RIPK4: variants seen among roughly 807,000 people sequenced by gnomAD.
RIPK4 encodes the protein receptor-interacting serine/threonine-protein kinase 4.
Under a neutral mutation model 42.9 loss-of-function variants are expected in RIPK4, and 17 were observed. The ratio of observed to expected loss-of-function variants is 0.40; its 90% CI spans 0.27 to 0.59. The LOEUF (loss-of-function observed/expected upper bound fraction) is 0.59. RIPK4 is among the 20% of genes least tolerant of loss of function. RIPK4 has a pLI of 0.47. For missense variants in RIPK4, 897 were observed against 1,104.4 expected (o/e 0.81, Z 2.66); for synonymous variants, 498 against 499.1 (o/e 1.00, Z 0.03).
rs931889182 is a variant in RIPK4 at position 41,742,475 on chromosome 21, G to A, written c.1196-478C>T. Among the ~76,000 whole-genome samples the A allele has an allele frequency of 4.6e-5, 7 of 152,320 alleles. No homozygotes were observed. Among genetic ancestry groups the A allele is most frequent in the African/African-American group, 1.4e-4 (6 of 41,578 alleles). The stretch of plus-strand genomic sequence containing the variant: ...GCTGCTCCAGCTCTTGCCCCACCTC[G>A]AAGTGGCACCTCCTGACCTGGGGAG... On this transcript the variant is annotated intron_variant, in intron 7 of 7. Transcript: ENST00000332512. The surrounding 1 kb of genome is among the most constrained non-coding windows in gnomAD (Gnocchi z 5.1).
Position 41,740,388 on chromosome 21 carries a change from A to G in RIPK4, c.*450T>C, listed in dbSNP as rs1483881891. 1 of 165,324 alleles carries G rather than the reference A, an allele frequency of 6.0e-6. No homozygotes were observed. The allele number at this position is 165,324 out of a possible 1,614,324, so 10.2% of individuals were successfully genotyped here. A position where few individuals can be genotyped will look rare whatever the true frequency, so the allele number is the denominator to read the frequency against. ...GATATTTTATAAAACAATTCCATGG[A>G]AACTTTAAGACAGGCCTCTCTGCCC... On this transcript the variant is annotated 3_prime_UTR_variant, in exon 8 of 8. Coordinates refer to ENST00000332512, the MANE Select transcript of RIPK4 (RefSeq NM_020639.3).
intron 3 of RIPK4, among the ~76,000 whole-genome samples, chr21:41,749,844 C>A (rs2061183119): frequency 7.2e-6 from 1 of 138,410 alleles, no homozygotes; most frequent in African/African-American, 2.7e-5. Context: ...GGGATACGTT[C>A]ATGTACATTA....
rs1484375621 is a variant in RIPK4 at position 41,751,642 on chromosome 21, T to C, written c.475-397A>G. On this transcript the variant is annotated intron_variant, in intron 2 of 7. Coordinates refer to ENST00000332512, the MANE Select transcript of RIPK4 (RefSeq NM_020639.3). The surrounding 1 kb of genome is among the most constrained non-coding windows in gnomAD (Gnocchi z 4.5). The stretch of plus-strand genomic sequence containing the variant: ...GAGGGTTCAGGTAAAGAGAGACACA[T>C]GTGAAGACCAGGTCTGCTCCTAGAG... Among the ~76,000 whole-genome samples the C allele has an allele frequency of 6.6e-6, 1 of 152,188 alleles. No individual in the cohort carries two copies. Among genetic ancestry groups the C allele is most frequent in the Non-Finnish European group, 1.5e-5 (1 of 68,038 alleles).
Position 41,743,897 on chromosome 21 carries a change from C to T in RIPK4, c.1180G>A (p.Glu394Lys), listed in dbSNP as rs772576388. The change falls in exon 7 of 8, where the codon GAA becomes AAA. Residue 394 changes from glutamate (E) to lysine (K), a missense_variant. Glu to Lys is a moderately conservative substitution (Grantham distance 56). Transcript: ENST00000332512. ...RGSLSLSFER[E>K]PSTSDLGTTD... is the part of the protein sequence containing the mutation. The stretch of plus-strand genomic sequence containing the variant: ...CCCCACTCACCGCTGGTTGAAGGTT[C>T]CCGCTCAAAGGACAGCGACAGTGAT... 3 of 1,603,960 alleles carry T rather than the reference C, an allele frequency of 1.9e-6. No homozygotes were observed. In the African/African-American group the frequency reaches 4.0e-5, roughly 22 times the overall value.
At chr21:41,757,893 G>A (rs1426519609) in intron 1 of RIPK4, among the ~76,000 whole-genome samples, 1 of 149,396 alleles carries the variant, frequency 6.7e-6, no homozygotes, top group African/African-American at 2.5e-5. Context: ...CAGCTACTCA[G>A]GAGGCTGAAA....
intron 1 of RIPK4, among the ~76,000 whole-genome samples, chr21:41,766,117 C>G (rs928130210): frequency 6.6e-6 from 1 of 152,362 alleles, no homozygotes; most frequent in South Asian, 2.1e-4. Flanking sequence ...AGGCCCTTCC[C>G]TAGCGGGTCG....
At chr21:41,746,140 C>T (rs1416786943) in intron 5 of RIPK4, 1 of 678,896 alleles carries the variant, frequency 1.5e-6, no homozygotes, top group Non-Finnish European at 2.7e-6. Context: ...CTGCCAGCAC[C>T]TGGCGGATGA....
chr21:41,752,822 G>A (rs190039066), intron 2 of RIPK4, among the ~76,000 whole-genome samples: 4 of 152,172 alleles, frequency 2.6e-5, no homozygotes, highest in Admixed American at 6.5e-5. Flanking sequence ...GGGCCCTGTC[G>A]GTGCGTAGGG....
At chr21:41,745,909 G>A (rs371810697) in intron 5 of RIPK4, 47 bp from the exon 6 acceptor site, 149 of 1,407,302 alleles carry the variant, frequency 1.1e-4, no homozygotes, top group Middle Eastern at 7.0e-4. Context: ...TGACTTCTGC[G>A]TACACACGCG....
chr21:41,749,846 T>C (rs893632249), intron 3 of RIPK4, among the ~76,000 whole-genome samples: 24 of 143,606 alleles, frequency 1.7e-4, no homozygotes, highest in Non-Finnish European at 6.0e-5. Context: ...GATACGTTCA[T>C]GTACATTACT....
At chr21:41,752,297 G>A (rs1345281635) in intron 2 of RIPK4, among the ~76,000 whole-genome samples, 1 of 152,226 alleles carries the variant, frequency 6.6e-6, no homozygotes. Context: ...AAATGAGGCT[G>A]AGTCAGGCCT....
intron 1 of RIPK4, 38 bp downstream of exon 1, chr21:41,766,822 G>A: frequency 6.3e-7 from 1 of 1,581,248 alleles, no homozygotes; most frequent in Non-Finnish European, 8.6e-7. Context: ...CCCCAGCCCG[G>A]GCCCCAGCCG....
At position 41,751,390 on chromosome 21, in the gene RIPK4, G is replaced by T. The variant is rs1012923844; in HGVS notation, c.475-145C>A. The stretch of plus-strand genomic sequence containing the variant: ...AAGAGCCGTGTCTGTGCCTCTCCAG[G>T]TAGCCCTGCCCCAGGCAGGGAGGGA... On this transcript the variant is annotated intron_variant, in intron 2 of 7. Transcript: ENST00000332512. The surrounding 1 kb of genome is among the most constrained non-coding windows in gnomAD (Gnocchi z 4.5). 9.0e-7 allele frequency: 1 copy of T among 1,111,448 alleles called. No homozygotes were observed. The highest frequency in any genetic ancestry group is 1.6e-5 in the African/African-American group (1 of 63,686). 68.8% of individuals were successfully genotyped at this position (1,111,448 alleles called of 1,614,324 possible).
chr21:41,745,676 G>A (rs973579609), intron 6 of RIPK4, 83 bp downstream of exon 6: 13 of 1,004,558 alleles, frequency 1.3e-5, no homozygotes, highest in Middle Eastern at 4.9e-4. Context: ...CGGGCGGCGG[G>A]GGACTCTGCA....
chr21:41,753,156 G>A (rs1319679118), intron 2 of RIPK4, among the ~76,000 whole-genome samples: 2 of 152,190 alleles, frequency 1.3e-5, no homozygotes, highest in South Asian at 4.1e-4. Flanking sequence ...TAGTAGCTCC[G>A]TGGCCCTGGA....
At chr21:41,760,404 T>C (rs540705870) in intron 1 of RIPK4, among the ~76,000 whole-genome samples, 1 of 152,280 alleles carries the variant, frequency 6.6e-6, no homozygotes, top group South Asian at 2.1e-4. Flanking sequence ...TTGAAAAATC[T>C]AAGCCTCTTG....
At position 41,747,185 on chromosome 21, in the gene RIPK4, A is replaced by G. The variant is rs532420749; in HGVS notation, c.674-414T>C. Among the ~76,000 whole-genome samples, 82 of 152,318 alleles carry G rather than the reference A, an allele frequency of 5.4e-4. 3 individuals carry two copies. The South Asian group carries it at 0.016, about 29-fold the overall frequency. ...GGAGGAGCCACAGCGTCCTACATCC[A>G]CAGAGACCCAACTCTCTCTACAATG... On this transcript the variant is annotated intron_variant, in intron 4 of 7. Transcript: ENST00000332512.
intron 3 of RIPK4, among the ~76,000 whole-genome samples, chr21:41,749,983 G>C (rs533520773): frequency 6.6e-6 from 1 of 151,120 alleles, no homozygotes; most frequent in Non-Finnish European, 1.5e-5. Context: ...TATAGACAAC[G>C]AATTCACCAT....
Position 41,766,894 on chromosome 21 carries a change from T to A in RIPK4, c.148A>T (p.Ile50Phe). The change falls in exon 1 of 8, where the codon ATC becomes TTC. Residue 50 changes from isoleucine (I) to phenylalanine (F), a missense_variant. Physicochemically the swap from Ile to Phe is conservative, Grantham distance 21 (BLOSUM62 0). Transcript: ENST00000332512. ...RHVHWKTWLA[I>F]KCSPSLHVDD... ...ACGTGCAGGCTGGGCGAGCACTTGA[T>A]GGCCAGCCAGGTCTTCCAGTGGACA... The A allele has an allele frequency of 6.2e-7, 1 of 1,610,410 alleles. No individual in the cohort carries two copies. Among genetic ancestry groups the A allele is most frequent in the Admixed American group, 1.7e-5 (1 of 59,948 alleles).
Sources: gnomAD v4.1 joint callset for allele counts (sites outside exome capture counted in the v4.1 genomes callset) on GRCh38, gnomAD v4.1.1 for gene constraint, Gnocchi (gnomAD v3.1) non-coding constraint, MANE v1.5 for transcripts, NCBI Gene and HGNC (gene_info 2026-07-23, HGNC 2026-07-21) for gene names.